The following DNM1L variants were observed in gnomAD, a reference collection of about 807,000 sequenced individuals.
DNM1L encodes dynamin 1L, also known as dynamin-1-like protein.
Under a neutral mutation model 92.8 loss-of-function variants are expected in DNM1L, and 33 were observed. The observed-to-expected ratio is 0.36, with a 90% CI of 0.27 to 0.48. The LOEUF (loss-of-function observed/expected upper bound fraction) is 0.48, where lower values mean the gene tolerates loss of function less well. Ranked by LOEUF, DNM1L falls within the 20% of genes least tolerant of loss-of-function variation. The pLI, the probability that DNM1L is intolerant of heterozygous loss-of-function variation, is 0.99. For synonymous variants in DNM1L, 284 were observed against 305.0 expected (o/e 0.93, Z 0.72); for missense variants, 485 against 888.8 (o/e 0.55, Z 5.78).
At chr12:32,691,180 T>A (rs1447899975) in intron 1 of DNM1L, among the ~76,000 whole-genome samples, 1 of 152,200 alleles carries the variant, frequency 6.6e-6, no homozygotes, top group East Asian at 1.9e-4. Flanking sequence ...GGTGTCTCTG[T>A]GTCTAAATTT....
At chr12:32,711,722 A>G (rs1443905769) in intron 5 of DNM1L, among the ~76,000 whole-genome samples, 1 of 151,938 alleles carries the variant, frequency 6.6e-6, no homozygotes, top group Non-Finnish European at 1.5e-5. Flanking sequence ...TAGGGAGACC[A>G]CGTCTCTACA....
chr12:32,742,628 G>A lies in DNM1L; in HGVS notation c.2034G>A (p.Val678=), dbSNP rs781656285. The A allele has an allele frequency of 6.2e-7, 1 of 1,614,102 alleles. No individual in the cohort carries two copies. The highest frequency in any genetic ancestry group is 1.1e-5 in the South Asian group (1 of 91,082). Residue 678 remains valine (V), a synonymous_variant, in exon 19 of 20, where the codon GTG becomes GTA. Transcript: ENST00000549701. Reference sequence around the variant, plus strand: ...TAATGCATTTTTTGGTTAATCATGTGAAAGACACTCTTCAGAGTGAGCTAG... The same window carrying A: ...TAATGCATTTTTTGGTTAATCATGTAAAAGACACTCTTCAGAGTGAGCTAG... The part of the protein sequence containing the change: ...KAVMHFLVNH[V]KDTLQSELVG...
chr12:32,740,009 TTTAG>T, intron 16 of DNM1L, 51 bp from the exon 17 acceptor site: 1 of 1,611,078 alleles, frequency 6.2e-7, no homozygotes, highest in Non-Finnish European at 8.5e-7. Flanking sequence ...TGAACTTTGT[TTTAG>T]TTAAGGTCAG....
chr12:32,740,695 T>G (rs1955228053), intron 18 of DNM1L, among the ~76,000 whole-genome samples, 177 bp downstream of exon 18: 1 of 152,232 alleles, frequency 6.6e-6, no homozygotes, highest in Non-Finnish European at 1.5e-5. Context: ...ATAGAATGAC[T>G]AGGACCTCAT....
intron 16 of DNM1L, among the ~76,000 whole-genome samples, chr12:32,739,425 C>A (rs1955126631): frequency 6.6e-6 from 1 of 152,176 alleles, no homozygotes; most frequent in Admixed American, 6.5e-5. Context: ...TTCAGCAAAT[C>A]CTTAAGAGTA....
At chr12:32,721,528 C>CCAAT (rs1336200376) in intron 8 of DNM1L, among the ~76,000 whole-genome samples, 3 of 152,014 alleles carry the variant, frequency 2.0e-5, no homozygotes, top group Non-Finnish European at 4.4e-5. Context: ...TTAGGAAAAA[C>CCAAT]CAATCAAAAT....
At position 32,717,411 on chromosome 12, in the gene DNM1L, A is replaced by T. The variant is rs1281188709; in HGVS notation, c.620-1232A>T. On this transcript the variant is annotated intron_variant, in intron 6 of 19. Coordinates refer to ENST00000549701, the MANE Select transcript of DNM1L (RefSeq NM_012062.5). ...ATATAGTATATATAATATATAATATATATTTTAAATATATACTATATATAT... is the reference window on the plus strand; with the variant it reads ...ATATAGTATATATAATATATAATATTTATTTTAAATATATACTATATATAT... Among the ~76,000 whole-genome samples the T allele has an allele frequency of 1.7e-4, 8 of 46,478 alleles. 1 individual carries two copies. The highest frequency in any genetic ancestry group is 1.4e-3 in the African/African-American group (8 of 5,566). 30.5% of individuals were successfully genotyped at this position (46,478 alleles called of 152,430 possible). A position where few individuals can be genotyped will look rare whatever the true frequency, so the allele number is the denominator to read the frequency against.
chr12:32,713,485 A>C, intron 6 of DNM1L, 114 bp downstream of exon 6: 28 of 1,142,860 alleles, frequency 2.4e-5, no homozygotes, highest in Non-Finnish European at 3.4e-5. Flanking sequence ...ACAAATTTAA[A>C]AGATAATGCT....
chr12:32,719,533 T>C (rs1372837222), intron 7 of DNM1L, among the ~76,000 whole-genome samples: 1 of 152,066 alleles, frequency 6.6e-6, no homozygotes, highest in Non-Finnish European at 1.5e-5. Flanking sequence ...AATTTATAAA[T>C]AGTTGGTATT....
chr12:32,696,700 C>T (rs11502796), intron 1 of DNM1L, among the ~76,000 whole-genome samples: 21,262 of 151,182 alleles, frequency 0.14, 1,530 homozygotes, highest in Middle Eastern at 0.19. Flanking sequence ...TCTCGGCTCA[C>T]TGCAACCTCC....
In DNM1L at chr12:32,727,512, C is replaced by A. The variant is rs1954228222; in HGVS notation, c.1080-3502C>A. ...AAGCAGATGGCGCTAAAAAAAGAGACCCTATCTCTGAAAATGGAAAAAAAA... is the reference window on the plus strand; with the variant it reads ...AAGCAGATGGCGCTAAAAAAAGAGAACCTATCTCTGAAAATGGAAAAAAAA... On this transcript the variant is annotated intron_variant, in intron 9 of 19. Coordinates refer to ENST00000549701, the MANE Select transcript of DNM1L (RefSeq NM_012062.5). 1.3e-4 allele frequency: 75 copies of A among 567,086 alleles called. 2 individuals are homozygous for A. In the South Asian group the frequency reaches 1.7e-3, roughly 13 times the overall value. The allele number at this position is 567,086 out of a possible 1,614,324, so 35.1% of individuals were successfully genotyped here. A position where few individuals can be genotyped will look rare whatever the true frequency, so the allele number is the denominator to read the frequency against.
chr12:32,731,272 A>C lies in DNM1L; in HGVS notation c.1201-84A>C. On this transcript the variant is annotated intron_variant, in intron 10 of 19. Transcript: ENST00000549701. This position sits in a 1 kb window ranked among gnomAD's most constrained non-coding sequence, Gnocchi z 5.1. ...GAAATTAAAAAGCATTTTTCATGAA[A>C]AGTACCAAAAATGTGACTTTCTTAA... The C allele has an allele frequency of 6.3e-7, 1 of 1,593,108 alleles. No individual in the cohort carries two copies. Among genetic ancestry groups the C allele is most frequent in the Non-Finnish European group, 8.6e-7 (1 of 1,169,212 alleles).
intron 13 of DNM1L, among the ~76,000 whole-genome samples, chr12:32,735,004 A>C (rs543914161): frequency 1.3e-5 from 2 of 152,200 alleles, no homozygotes; most frequent in Admixed American, 1.3e-4. Context: ...ACTTCAAAAC[A>C]CTCAGAAAGT....
chr12:32,699,876 G>A (rs561748413), intron 1 of DNM1L, among the ~76,000 whole-genome samples: 1 of 150,476 alleles, frequency 6.6e-6, no homozygotes, highest in Admixed American at 6.6e-5. Flanking sequence ...GGTAACTCTT[G>A]GAAGTATAGC....
At chr12:32,711,468 A>C (rs974745539) in intron 5 of DNM1L, among the ~76,000 whole-genome samples, 1 of 151,964 alleles carries the variant, frequency 6.6e-6, no homozygotes, top group African/African-American at 2.4e-5. Flanking sequence ...TTCAAACTCT[A>C]ATACCGAATT....
chr12:32,689,080 CA>C, intron 1 of DNM1L, among the ~76,000 whole-genome samples: 1 of 152,114 alleles, frequency 6.6e-6, no homozygotes, highest in South Asian at 2.1e-4. Context: ...CTCTTAAGAA[CA>C]AAAAACACCC....
chr12:32,717,915 A>T lies in DNM1L; in HGVS notation c.620-728A>T, dbSNP rs1345275961. 5.1e-3 allele frequency among the ~76,000 whole-genome samples: 414 copies of T among 80,818 alleles called. 16 individuals are homozygous for T. Among genetic ancestry groups the T allele is most frequent in the African/African-American group, 0.021 (389 of 18,218 alleles). The allele number at this position is 80,818 out of a possible 152,430, so 53.0% of individuals were successfully genotyped here. A position where few individuals can be genotyped will look rare whatever the true frequency, so the allele number is the denominator to read the frequency against. ...TATACTATATATAGTATATATATAA[A>T]ATATAGTATATATTTTATATATATA... On this transcript the variant is annotated intron_variant, in intron 6 of 19. Transcript: ENST00000549701.
At chr12:32,692,107 T>C (rs186387096) in intron 1 of DNM1L, among the ~76,000 whole-genome samples, 139 of 152,334 alleles carry the variant, frequency 9.1e-4, no homozygotes, top group Non-Finnish European at 1.7e-3. Context: ...TATTCATTCA[T>C]ACTATAACCA....
chr12:32,711,418 GT>G, intron 5 of DNM1L: 1 of 189,994 alleles, frequency 5.3e-6, no homozygotes, highest in Admixed American at 5.4e-5. Context: ...TGTATATCTA[GT>G]TGCTATTCGA....
Sources: gnomAD v4.1 joint callset for allele counts (sites outside exome capture counted in the v4.1 genomes callset) on GRCh38, gnomAD v4.1.1 for gene constraint, Gnocchi (gnomAD v3.1) non-coding constraint, MANE v1.5 for transcripts, NCBI Gene and HGNC (gene_info 2026-07-23, HGNC 2026-07-21) for gene names.